TENM2: variants seen among roughly 807,000 people sequenced by gnomAD.
TENM2 encodes teneurin transmembrane protein 2, also known as teneurin-2.
In TENM2, 52 loss-of-function variants were observed where a neutral mutation model predicts 245.2. The ratio of observed to expected loss-of-function variants is 0.21; its 90% confidence interval spans 0.17 to 0.27. The LOEUF (loss-of-function observed/expected upper bound fraction) is 0.27, where lower values mean the gene tolerates loss of function less well. Among genes scored for constraint, TENM2 ranks in the 10% least tolerant of loss-of-function variants. The probability of loss-of-function intolerance (pLI) is 1.00; values close to 1 mark genes in which losing one functional copy is unlikely to be tolerated. For synonymous variants in TENM2, 1,363 were observed against 1,438.9 expected, an observed-to-expected ratio of 0.95 and a Z score of 1.19; for missense variants, 3,046 against 3,666.8, an observed-to-expected ratio of 0.83 and a Z score of 4.37.
the TENM2 span, among the ~76,000 whole-genome samples, chr5:167,243,406 G>T: frequency 6.6e-6 from 1 of 152,082 alleles, no homozygotes; most frequent in African/African-American, 2.4e-5. Flanking sequence ...GGGAACTGAG[G>T]ATATTTCGAA....
At chr5:167,395,873 G>A (rs757228700) in intron 2 of TENM2, among the ~76,000 whole-genome samples, 2 of 152,014 alleles carry the variant, frequency 1.3e-5, no homozygotes, top group South Asian at 4.1e-4. Flanking sequence ...ATCACTAATA[G>A]CCAGAGAAAT....
intron 6 of TENM2, 42 bp from the exon 9 acceptor site, chr5:168,062,018 T>C (rs1318594206): frequency 1.3e-6 from 2 of 1,542,642 alleles, no homozygotes; most frequent in Non-Finnish European, 1.8e-6. Flanking sequence ...AACTAATCTA[T>C]ACACGTCATT....
the TENM2 span, among the ~76,000 whole-genome samples, chr5:166,985,594 G>A: frequency 6.6e-5 from 10 of 152,064 alleles, no homozygotes; most frequent in African/African-American, 1.4e-4. Context: ...ATAATCAGAC[G>A]CAGTCAGATG....
chr5:167,673,489 C>A (rs958823985), intron 2 of TENM2, among the ~76,000 whole-genome samples: 7 of 152,032 alleles, frequency 4.6e-5, no homozygotes, highest in Non-Finnish European at 1.0e-4. Context: ...ACATTTGTTC[C>A]TTCAACTAAG....
At chr5:167,892,011 A>G (rs1255389334) in intron 3 of TENM2, among the ~76,000 whole-genome samples, 1 of 152,218 alleles carries the variant, frequency 6.6e-6, no homozygotes, top group Non-Finnish European at 1.5e-5. Flanking sequence ...ATGCTAAGCA[A>G]ACTCTATTTA....
chr5:167,893,502 G>T (rs548539006), intron 3 of TENM2, among the ~76,000 whole-genome samples: 1 of 152,090 alleles, frequency 6.6e-6, no homozygotes, highest in South Asian at 2.1e-4. Flanking sequence ...AGTTTCTGGG[G>T]GCTGTTTATC....
At chr5:167,536,498 T>C (rs1362949558) in intron 2 of TENM2, among the ~76,000 whole-genome samples, 6 of 152,134 alleles carry the variant, frequency 3.9e-5, no homozygotes, top group Admixed American at 6.6e-5. Flanking sequence ...AAAATCATGC[T>C]TAGCTGGTGG....
intron 2 of TENM2, among the ~76,000 whole-genome samples, chr5:167,772,010 G>A (rs1763434637): frequency 6.6e-6 from 1 of 152,116 alleles, no homozygotes; most frequent in African/African-American, 2.4e-5. Context: ...TTATAATTAA[G>A]GATGATCTTA....
At chr5:167,503,178 T>A (rs1769321014) in intron 2 of TENM2, among the ~76,000 whole-genome samples, 1 of 152,192 alleles carries the variant, frequency 6.6e-6, no homozygotes, top group African/African-American at 2.4e-5. Flanking sequence ...GTGCAAAATT[T>A]GGAAATACAG....
At chr5:167,779,159 C>T (rs75525185) in intron 2 of TENM2, among the ~76,000 whole-genome samples, 5,507 of 152,264 alleles carry the variant, frequency 0.036, 159 homozygotes, top group Non-Finnish European at 0.057. Context: ...CAGTGGTGAG[C>T]GGTAGCTCTG....
intron 1 of TENM2, among the ~76,000 whole-genome samples, chr5:167,301,105 A>G (rs1755288388): frequency 6.6e-6 from 1 of 152,180 alleles, no homozygotes; most frequent in South Asian, 2.1e-4. Flanking sequence ...GAAGCTCAGC[A>G]TCCGTGATGG....
intron 3 of TENM2, among the ~76,000 whole-genome samples, chr5:167,893,243 A>T (rs1235974895): frequency 1.3e-5 from 2 of 152,162 alleles, no homozygotes; most frequent in African/African-American, 2.4e-5. Flanking sequence ...ATTAAAAACA[A>T]TTCACATCCT....
intron 2 of TENM2, among the ~76,000 whole-genome samples, chr5:167,795,232 A>T (rs1765236099): frequency 6.6e-6 from 1 of 152,138 alleles, no homozygotes. Flanking sequence ...AATCTCACTG[A>T]AGTATGGTTG....
intron 2 of TENM2, among the ~76,000 whole-genome samples, chr5:167,624,185 C>T (rs1007155168): frequency 1.1e-4 from 16 of 152,058 alleles, no homozygotes; most frequent in Admixed American, 6.6e-4. Context: ...CCATCAATGG[C>T]GGATTGGGTA....
chr5:167,013,358 A>G, the TENM2 span, among the ~76,000 whole-genome samples: 3 of 151,850 alleles, frequency 2.0e-5, no homozygotes, highest in African/African-American at 7.3e-5. Flanking sequence ...AAATGTAAAG[A>G]CTCTAGGGAA....
rs750808225 is a variant in TENM2 at position 168,090,567 on chromosome 5, T to A, written c.1516-7T>A. 4 of 1,611,218 alleles carry A rather than the reference T, an allele frequency of 2.5e-6. No individual in the cohort carries two copies. The East Asian group carries it at 8.9e-5, about 36-fold the overall frequency. ...CTCATGCATGGTACTCTCTCTCCTT[T>A]TCCCAGTATGACTTCATGGAACGTC... On this transcript the variant is annotated splice_polypyrimidine_tract_variant and splice_region_variant and intron_variant, in intron 7 of 28. Transcript: ENST00000518659.
chr5:167,213,965 T>A, the TENM2 span, among the ~76,000 whole-genome samples: 2 of 152,222 alleles, frequency 1.3e-5, no homozygotes, highest in Non-Finnish European at 2.9e-5. Flanking sequence ...TTTACAGGCA[T>A]TGATTATTTG....
At chr5:167,614,345 G>A (rs1042015478) in intron 2 of TENM2, among the ~76,000 whole-genome samples, 5 of 151,960 alleles carry the variant, frequency 3.3e-5, no homozygotes, top group Non-Finnish European at 7.4e-5. Context: ...CTTTCCCTAC[G>A]TTTTGCATAG....
the TENM2 span, among the ~76,000 whole-genome samples, chr5:167,193,557 A>C: frequency 4.6e-5 from 7 of 152,104 alleles, no homozygotes; most frequent in South Asian, 1.2e-3. Context: ...TATTTTTTAC[A>C]TAAAAATTCC....
Sources: gnomAD v4.1 joint callset for allele counts (sites outside exome capture counted in the v4.1 genomes callset) on GRCh38, gnomAD v4.1.1 for gene constraint, MANE v1.5 for transcripts, NCBI Gene and HGNC (gene_info 2026-07-23, HGNC 2026-07-21) for gene names.